ASAP1: variants seen among roughly 807,000 people sequenced by gnomAD.
The protein encoded by ASAP1 is ArfGAP with SH3 domain, ankyrin repeat and PH domain 1.
In ASAP1, 43 loss-of-function variants were observed where a neutral mutation model predicts 145.2. The ratio of observed to expected loss-of-function variants is 0.30; its 90% CI spans 0.23 to 0.38. ASAP1 has a LOEUF of 0.38. Ranked by LOEUF, ASAP1 falls within the 10% of genes least tolerant of loss-of-function variation. The pLI is 1.00. For synonymous variants in ASAP1, 546 were observed against 515.5 expected, an observed-to-expected ratio of 1.06 and a Z score of -0.80; for missense variants, 1,018 against 1,355.3, an observed-to-expected ratio of 0.75 and a Z score of 3.91.
chr8:130,415,618 T>C (rs7839214), intron 1 of ASAP1, among the ~76,000 whole-genome samples: 66,799 of 152,010 alleles, frequency 0.44, 15,567 homozygotes, highest in Admixed American at 0.52. Context: ...TGAAACCCCA[T>C]TTCTACGAAA....
rs879317433 is a variant in ASAP1, at chr8:130,094,514, T to TA, written c.2402-2372dup. Among the ~76,000 whole-genome samples, 478 of 147,512 alleles carry TA rather than the reference T, an allele frequency of 3.2e-3. 2 individuals are homozygous for TA. The Middle Eastern group carries it at 0.038, about 12-fold the overall frequency. ...TGAGTCACCACGCCTAGTCTAAATT[T>TA]AAAAAAAAAAAATGTTTATGGATAC... is the stretch of plus-strand genomic sequence containing the variant. On this transcript the variant is annotated intron_variant, in intron 24 of 29. Coordinates refer to ENST00000518721, the MANE Select transcript of ASAP1 (RefSeq NM_018482.4).
rs571425594 is a variant in ASAP1 at position 130,276,545 on chromosome 8, G to A, written c.187-39551C>T. 2.3e-4 allele frequency among the ~76,000 whole-genome samples: 35 copies of A among 152,202 alleles called. 1 individual carries two copies. The South Asian group carries it at 7.3e-3, about 32-fold the overall frequency. On this transcript the variant is annotated intron_variant, in intron 3 of 29. Transcript: ENST00000518721. ...ACAAAAAAGCTGGCATTTGTGTCCTGTAGGCTGATCCCAGGGTCTTCTGTG... is the reference window on the plus strand; with the variant it reads ...ACAAAAAAGCTGGCATTTGTGTCCTATAGGCTGATCCCAGGGTCTTCTGTG...
At chr8:130,180,906 T>A in intron 7 of ASAP1, 26 bp from the exon 8 acceptor site, 3 of 1,498,910 alleles carry the variant, frequency 2.0e-6, no homozygotes, top group South Asian at 2.4e-5. Flanking sequence ...ATGTCATTAT[T>A]TAAAAAAAAA....
intron 4 of ASAP1, among the ~76,000 whole-genome samples, chr8:130,226,124 CGCCTCA>C (rs919016586): frequency 1.3e-5 from 2 of 151,538 alleles, no homozygotes; most frequent in African/African-American, 4.9e-5. Context: ...GCAATTCTCT[CGCCTCA>C]GCCTCCCAAA....
chr8:130,433,336 C>G (rs575350740), intron 1 of ASAP1, among the ~76,000 whole-genome samples: 2 of 152,334 alleles, frequency 1.3e-5, no homozygotes, highest in African/African-American at 4.8e-5. Context: ...TCCAGCTATT[C>G]TCAGCCTTGA....
At chr8:130,089,918 T>G (rs2135407386) in intron 25 of ASAP1, among the ~76,000 whole-genome samples, 1 of 152,352 alleles carries the variant, frequency 6.6e-6, no homozygotes, top group South Asian at 2.1e-4. Flanking sequence ...GAACTGTCAC[T>G]GTGGCCGAGG....
chr8:130,306,140 G>T (rs1822978884), intron 3 of ASAP1, among the ~76,000 whole-genome samples: 1 of 152,172 alleles, frequency 6.6e-6, no homozygotes, highest in Admixed American at 6.5e-5. Context: ...TTCATATAAA[G>T]AATGGTGATA....
At chr8:130,223,781 C>T (rs181368614) in intron 4 of ASAP1, among the ~76,000 whole-genome samples, 104 of 152,208 alleles carry the variant, frequency 6.8e-4, no homozygotes, top group Non-Finnish European at 1.0e-3. Flanking sequence ...TTCCTGGGAG[C>T]CTAGCCTCTC....
intron 3 of ASAP1, among the ~76,000 whole-genome samples, chr8:130,265,573 TAA>T (rs79247144): frequency 7.2e-4 from 86 of 119,382 alleles, no homozygotes; most frequent in Admixed American, 1.4e-3. Context: ...ACCCTGTCTT[TAA>T]AAAAAAAAAA....
At chr8:130,209,547 C>G (rs1182775136) in intron 5 of ASAP1, among the ~76,000 whole-genome samples, 2 of 114,312 alleles carry the variant, frequency 1.7e-5, no homozygotes, top group Non-Finnish European at 3.7e-5. Flanking sequence ...CTTGCTCTTA[C>G]AGTAAAAAAA....
intron 3 of ASAP1, among the ~76,000 whole-genome samples, chr8:130,330,018 C>A (rs6470813): frequency 1.5e-4 from 23 of 152,122 alleles, no homozygotes; most frequent in Non-Finnish European, 5.9e-5. Flanking sequence ...CAGGGAGAGA[C>A]AGTTGTAATC....
At chr8:130,200,257 A>T (rs539800608) in intron 5 of ASAP1, among the ~76,000 whole-genome samples, 4 of 152,190 alleles carry the variant, frequency 2.6e-5, no homozygotes, top group Non-Finnish European at 5.9e-5. Flanking sequence ...AATATTCAAA[A>T]CAGGAAGTTG....
chr8:130,204,217 G>C (rs1816056793), intron 5 of ASAP1, among the ~76,000 whole-genome samples: 1 of 152,182 alleles, frequency 6.6e-6, no homozygotes. Flanking sequence ...GATCTAGGTT[G>C]CACGCTACTT....
intron 8 of ASAP1, among the ~76,000 whole-genome samples, chr8:130,180,053 G>A (rs62525877): frequency 6.8e-6 from 1 of 147,350 alleles, no homozygotes; most frequent in South Asian, 2.2e-4. Context: ...AGGAAGGGAG[G>A]GAGGGAGGAG....
rs556909871 is a variant in ASAP1, at chr8:130,424,433, C to T, written c.-28+19027G>A. ...CCACTTCCCAAGAGCCCTTCAGCAC[C>T]GCTGATTCAAACAGTAACAGCTCTC... On this transcript the variant is annotated intron_variant, in intron 1 of 29. Transcript: ENST00000518721. Among the ~76,000 whole-genome samples the T allele has an allele frequency of 5.3e-5, 8 of 152,338 alleles. No homozygotes were observed. In the South Asian group the frequency reaches 1.0e-3, roughly 20 times the overall value.
intron 2 of ASAP1, among the ~76,000 whole-genome samples, chr8:130,379,304 T>A (rs867405280): frequency 6.6e-6 from 1 of 152,186 alleles, no homozygotes. Context: ...GTATCCTTTA[T>A]AATAAACCAG....
chr8:130,427,149 C>G (rs547443406), intron 1 of ASAP1, among the ~76,000 whole-genome samples: 1 of 152,236 alleles, frequency 6.6e-6, no homozygotes, highest in East Asian at 1.9e-4. Flanking sequence ...CTTGGCCACT[C>G]TGTTCAGTGG....
intron 3 of ASAP1, among the ~76,000 whole-genome samples, chr8:130,260,924 C>T (rs964902081): frequency 1.3e-5 from 2 of 152,178 alleles, no homozygotes; most frequent in African/African-American, 2.4e-5. Flanking sequence ...TTTTCCCCCC[C>T]TCAAGATAAA....
intron 1 of ASAP1, among the ~76,000 whole-genome samples, chr8:130,432,690 A>T (rs1056445539): frequency 9.9e-5 from 15 of 152,130 alleles, no homozygotes; most frequent in African/African-American, 3.1e-4. Flanking sequence ...TCCAGGTATC[A>T]CATGCTAACC....
Sources: allele counts gnomAD v4.1 joint callset (sites outside exome capture counted in the v4.1 genomes callset), GRCh38; gene constraint gnomAD v4.1.1; transcripts MANE v1.5; gene names NCBI Gene and HGNC (gene_info 2026-07-23, HGNC 2026-07-21).